The following CTNNA1 variants were observed in gnomAD, a reference collection of about 807,000 sequenced individuals.
The protein encoded by CTNNA1 is catenin alpha 1.
A neutral mutation model predicts 98.4 loss-of-function variants in CTNNA1; 37 were observed. The observed-to-expected ratio is 0.38, with a 90% CI of 0.29 to 0.49. The LOEUF (loss-of-function observed/expected upper bound fraction) is 0.49. CTNNA1 is among the 20% of genes least tolerant of loss of function. CTNNA1 has a pLI of 0.95. For missense variants in CTNNA1, 761 were observed against 1,147.2 expected (o/e 0.66, Z 4.86); for synonymous variants, 404 against 413.2 (o/e 0.98, Z 0.27).
intron 9 of CTNNA1, among the ~76,000 whole-genome samples, chr5:138,899,712 A>G (rs1757614606): frequency 6.6e-6 from 1 of 152,110 alleles, no homozygotes; most frequent in Non-Finnish European, 1.5e-5. Context: ...CAGAGGAAAC[A>G]CTGTTTTGGC....
chr5:138,783,479 G>T (rs775597073), intron 3 of CTNNA1, 107 bp downstream of exon 3: 94 of 879,984 alleles, frequency 1.1e-4, no homozygotes, highest in Non-Finnish European at 1.6e-4. Flanking sequence ...CTTGCCAATT[G>T]CTCAGTAACT....
At chr5:138,864,706 T>C (rs1436742691) in intron 7 of CTNNA1, among the ~76,000 whole-genome samples, 1 of 152,214 alleles carries the variant, frequency 6.6e-6, no homozygotes, top group Admixed American at 6.5e-5. Context: ...TTGCTCTCAC[T>C]TGTATAATTT....
At chr5:138,812,423 A>G in intron 5 of CTNNA1, 121 bp downstream of exon 5, 2 of 1,046,686 alleles carry the variant, frequency 1.9e-6, no homozygotes, top group Middle Eastern at 2.2e-4. Context: ...TTCCATTAAA[A>G]CATTTAAACT....
chr5:138,773,567 T>C (rs1303867732), intron 1 of CTNNA1, among the ~76,000 whole-genome samples: 1 of 152,206 alleles, frequency 6.6e-6, no homozygotes, highest in Non-Finnish European at 1.5e-5. Flanking sequence ...GCTTGCATTA[T>C]GGTTATTGAA....
At chr5:138,773,533 T>C (rs559620843) in intron 1 of CTNNA1, among the ~76,000 whole-genome samples, 2 of 152,242 alleles carry the variant, frequency 1.3e-5, no homozygotes, top group African/African-American at 4.8e-5. Flanking sequence ...CACTTTTGAT[T>C]AAAGGTGCTA....
chr5:138,920,858 C>T (rs1240325850), intron 11 of CTNNA1, among the ~76,000 whole-genome samples: 10 of 152,302 alleles, frequency 6.6e-5, no homozygotes, highest in African/African-American at 2.4e-4. Flanking sequence ...TAGAACAAGT[C>T]ATGTCCTGAT....
intron 3 of CTNNA1, among the ~76,000 whole-genome samples, chr5:138,787,260 C>A (rs1581003012): frequency 6.6e-6 from 1 of 152,150 alleles, no homozygotes; most frequent in Non-Finnish European, 1.5e-5. Context: ...GAAACCCCGT[C>A]TCTACTAAAA....
intron 1 of CTNNA1, 129 bp from the exon 2 acceptor site, chr5:138,781,794 G>C: frequency 2.7e-6 from 2 of 744,722 alleles, no homozygotes; most frequent in East Asian, 2.9e-5. Context: ...GTGTAGGCTA[G>C]TTAGAATTTT....
intron 10 of CTNNA1, among the ~76,000 whole-genome samples, chr5:138,907,790 A>AG (rs1209887720): frequency 1.3e-5 from 2 of 152,142 alleles, no homozygotes; most frequent in Non-Finnish European, 2.9e-5. Context: ...ACAGTGTGGA[A>AG]GAGGTGCTCA....
chr5:138,764,868 C>CTTTTTTTTTTTTTTTT (rs35354499), intron 1 of CTNNA1, among the ~76,000 whole-genome samples: 1 of 84,938 alleles, frequency 1.2e-5, no homozygotes, highest in African/African-American at 4.7e-5. Context: ...GTATCTCTCT[C>CTTTTTTTTTTTTTTTT]TTTTTTTTTT....
At chr5:138,784,436 C>G (rs1019515918) in intron 3 of CTNNA1, among the ~76,000 whole-genome samples, 1 of 152,074 alleles carries the variant, frequency 6.6e-6, no homozygotes, top group African/African-American at 2.4e-5. Context: ...ATGGGCAGTG[C>G]CTTAGATGGA....
intron 3 of CTNNA1, among the ~76,000 whole-genome samples, chr5:138,795,457 G>GA (rs920167753): frequency 1.4e-4 from 20 of 146,000 alleles, no homozygotes; most frequent in Middle Eastern, 3.5e-3. Context: ...CTCTGTCTCA[G>GA]AAAAAAAAAA....
At chr5:138,767,508 CCTGA>C (rs1275037173) in intron 1 of CTNNA1, among the ~76,000 whole-genome samples, 2 of 152,220 alleles carry the variant, frequency 1.3e-5, no homozygotes, top group Non-Finnish European at 2.9e-5. Flanking sequence ...GTGAGTCCTT[CCTGA>C]CTATTTGGGG....
At chr5:138,871,566 C>T (rs907851363) in intron 7 of CTNNA1, 1 of 152,230 alleles carries the variant, frequency 6.6e-6, no homozygotes, top group Non-Finnish European at 1.5e-5. Flanking sequence ...TTTTCAGCAG[C>T]AGGTCCTTTC....
intron 10 of CTNNA1, 108 bp downstream of exon 10, chr5:138,904,549 G>A (rs1758755473): frequency 7.2e-7 from 1 of 1,389,900 alleles, no homozygotes; most frequent in Non-Finnish European, 9.8e-7. Context: ...ATTTTAGATG[G>A]AAGTCTTGGG....
Position 138,934,430 on chromosome 5 carries a change from G to A in CTNNA1, c.*341G>A, listed in dbSNP as rs1183999572. ...GGCGGCGTTAGGGTTTGAGAGAAGGGAATTTGGCTCAACTTCAGTTGAGAG... is the reference window on the plus strand; with the variant it reads ...GGCGGCGTTAGGGTTTGAGAGAAGGAAATTTGGCTCAACTTCAGTTGAGAG... On this transcript the variant is annotated 3_prime_UTR_variant, in exon 18 of 18. Transcript: ENST00000302763. 5 of 248,426 alleles carry A rather than the reference G, an allele frequency of 2.0e-5. No homozygotes were observed. In the East Asian group the frequency reaches 5.4e-4, roughly 27 times the overall value. The allele number at this position is 248,426 out of a possible 1,614,324, so 15.4% of individuals were successfully genotyped here. A position where few individuals can be genotyped will look rare whatever the true frequency, so the allele number is the denominator to read the frequency against.
Position 138,810,091 on chromosome 5 carries a change from G to A in CTNNA1, c.355G>A (p.Val119Met). ...GEFADDPCSS[V>M]KRGNMVRAAR... ...GTTCGCAGATGATCCCTGCTCTTCTGTGAAGCGAGGCAACATGGTTCGGGC... is the reference window on the plus strand; with the variant it reads ...GTTCGCAGATGATCCCTGCTCTTCTATGAAGCGAGGCAACATGGTTCGGGC... The change falls in exon 4 of 18, where the codon GTG becomes ATG. Residue 119 changes from valine (V) to methionine (M), a missense_variant. Coordinates refer to ENST00000302763, the MANE Select transcript of CTNNA1 (RefSeq NM_001903.5). The A allele has an allele frequency of 6.2e-7, 1 of 1,614,186 alleles. No homozygotes were observed. Among genetic ancestry groups the A allele is most frequent in the Non-Finnish European group, 8.5e-7 (1 of 1,180,004 alleles).
At chr5:138,807,847 A>T (rs1404467608) in intron 3 of CTNNA1, among the ~76,000 whole-genome samples, 1 of 152,056 alleles carries the variant, frequency 6.6e-6, no homozygotes, top group Non-Finnish European at 1.5e-5. Flanking sequence ...TCCCAGGTTC[A>T]AGTGATTCTT....
At position 138,782,134 on chromosome 5, in the gene CTNNA1, A is replaced by G. The variant is rs868639150; in HGVS notation, c.105+105A>G. The G allele has an allele frequency of 3.2e-5, 35 of 1,097,028 alleles. 1 individual carries two copies. The Middle Eastern group carries it at 1.4e-3, about 43-fold the overall frequency. The allele number at this position is 1,097,028 out of a possible 1,614,324, so 68.0% of individuals were successfully genotyped here. On this transcript the variant is annotated intron_variant, in intron 2 of 17. Coordinates refer to ENST00000302763, the MANE Select transcript of CTNNA1 (RefSeq NM_001903.5). ...TTTAGTTCAAAGCCTTAATTCCAGT[A>G]CTTGAGTTTAGGTGACAGTTCTTAG...
Sources: allele counts gnomAD v4.1 joint callset (sites outside exome capture counted in the v4.1 genomes callset), GRCh38; gene constraint gnomAD v4.1.1; transcripts MANE v1.5; gene names NCBI Gene and HGNC (gene_info 2026-07-23, HGNC 2026-07-21).